XKR5: variants seen among roughly 807,000 people sequenced by gnomAD.
XKR5 encodes the protein XK related 5.
XKR5 carries 46 observed loss-of-function variants against 40.8 expected under a neutral mutation model. The ratio of observed to expected loss-of-function variants is 1.13; its 90% CI spans 0.89 to 1.44. XKR5 has a LOEUF of 1.44. Among genes scored for constraint, XKR5 ranks in the 40% most tolerant of loss-of-function variants. The pLI is 0.00. For missense variants in XKR5, 1,169 were observed against 844.7 expected (o/e 1.38, Z -4.76); for synonymous variants, 466 against 356.1 (o/e 1.31, Z -3.48).
intron 5 of XKR5, among the ~76,000 whole-genome samples, chr8:6,820,990 T>G (rs1364554101): frequency 1.3e-5 from 2 of 152,228 alleles, no homozygotes; most frequent in Admixed American, 1.3e-4. Flanking sequence ...TATTATTTTA[T>G]TTGGTCTTTA....
At chr8:6,821,188 T>C (rs937959077) in intron 5 of XKR5, among the ~76,000 whole-genome samples, 2 of 152,194 alleles carry the variant, frequency 1.3e-5, no homozygotes, top group African/African-American at 2.4e-5. Context: ...CTAAAACCCA[T>C]GCCCCACCAA....
rs114043230 is a variant in XKR5 at position 6,808,701 on chromosome 8, C to T, written c.*2497G>A. The stretch of plus-strand genomic sequence containing the variant: ...TGCCTTGATTTCTGCATACTCAGTG[C>T]CTGTCATACTCAACTAATATTCCTT... On this transcript the variant is annotated 3_prime_UTR_variant, in exon 7 of 7. Transcript: ENST00000618742. The T allele has an allele frequency of 3.3e-5, 5 of 152,262 alleles. No individual in the cohort carries two copies. In the East Asian group the frequency reaches 9.7e-4, roughly 29 times the overall value. 9.4% of individuals were successfully genotyped at this position (152,262 alleles called of 1,614,324 possible). A position where few individuals can be genotyped will look rare whatever the true frequency, so the allele number is the denominator to read the frequency against.
chr8:6,815,130 A>G (rs1362213971), intron 6 of XKR5, among the ~76,000 whole-genome samples: 3 of 152,320 alleles, frequency 2.0e-5, no homozygotes, highest in African/African-American at 7.2e-5. Flanking sequence ...TGAGAGTGAC[A>G]GTGGTGGAAG....
At chr8:6,833,301 C>G (rs1006706670) in intron 1 of XKR5, among the ~76,000 whole-genome samples, 1 of 152,244 alleles carries the variant, frequency 6.6e-6, no homozygotes, top group Non-Finnish European at 1.5e-5. Flanking sequence ...CTGGCCTCAA[C>G]TTCCCCTGGT....
chr8:6,827,543 T>C (rs530243782), intron 2 of XKR5, among the ~76,000 whole-genome samples: 26 of 152,352 alleles, frequency 1.7e-4, no homozygotes, highest in African/African-American at 6.3e-4. Flanking sequence ...ACTTTCCTTT[T>C]TCATGATTTG....
chr8:6,809,974 T>C lies in XKR5; in HGVS notation c.*1224A>G, dbSNP rs2004156. 0.21 allele frequency: 31,468 copies of C among 152,062 alleles called. 3,490 individuals are homozygous for C. The highest frequency in any genetic ancestry group is 0.31 in the East Asian group (1,612 of 5,152). The allele number at this position is 152,062 out of a possible 1,614,324, so 9.4% of individuals were successfully genotyped here. Reference sequence around the variant, plus strand: ...AAAAATACAAAAAAGTAGCCAGGCATGGTGCCCACCTGCCAGTAGTCCCAG... The same window carrying C: ...AAAAATACAAAAAAGTAGCCAGGCACGGTGCCCACCTGCCAGTAGTCCCAG... On this transcript the variant is annotated 3_prime_UTR_variant, in exon 7 of 7. Coordinates refer to ENST00000618742, the MANE Select transcript of XKR5 (RefSeq NM_207411.5).
Position 6,812,068 on chromosome 8 carries a change from G to A in XKR5, c.1191C>T (p.Asp397=). The A allele has an allele frequency of 1.9e-6, 3 of 1,540,446 alleles. No homozygotes were observed. The highest frequency in any genetic ancestry group is 2.6e-6 in the Non-Finnish European group (3 of 1,146,946). The change falls in exon 7 of 7, where the codon GAC becomes GAT. Residue 397 remains aspartate (D), a synonymous_variant. Coordinates refer to ENST00000618742, the MANE Select transcript of XKR5 (RefSeq NM_207411.5). The part of the protein sequence containing the change: ...AGLGTQVAVE[D]SFLSHHHWLW... ...GCCAGTGGTGATGACTGAGGAAAGA[G>A]TCCTCCACAGCAACCTGGGTCCCCA... is the stretch of plus-strand genomic sequence containing the variant.
At chr8:6,815,370 T>A (rs1436256758) in intron 6 of XKR5, among the ~76,000 whole-genome samples, 1 of 152,142 alleles carries the variant, frequency 6.6e-6, no homozygotes, top group East Asian at 1.9e-4. Flanking sequence ...ATTGGATCTT[T>A]CGGGGACTCA....
chr8:6,810,104 C>T lies in XKR5; in HGVS notation c.*1094G>A, dbSNP rs1224470881. On this transcript the variant is annotated 3_prime_UTR_variant, in exon 7 of 7. Transcript: ENST00000618742. ...CTCCAGCCTGGGTGACAGAGAGGCC[C>T]TGTCTCAACAAATAAACAAATGAAA... 6.6e-6 allele frequency: 1 copy of T among 152,308 alleles called. No individual in the cohort carries two copies. The highest frequency in any genetic ancestry group is 1.5e-5 in the Non-Finnish European group (1 of 68,152). The allele number at this position is 152,308 out of a possible 1,614,324, so 9.4% of individuals were successfully genotyped here. A position where few individuals can be genotyped will look rare whatever the true frequency, so the allele number is the denominator to read the frequency against.
At position 6,811,062 on chromosome 8, in the gene XKR5, G is replaced by C. The variant is rs1208212995; in HGVS notation, c.*136C>G. The C allele has an allele frequency of 1.1e-6, 1 of 904,816 alleles. No individual in the cohort carries two copies. Among genetic ancestry groups the C allele is most frequent in the Non-Finnish European group, 1.6e-6 (1 of 618,064 alleles). The allele number at this position is 904,816 out of a possible 1,614,324, so 56.0% of individuals were successfully genotyped here. ...TCCAGCCCTGTTTCTTCATTTTTCAGGGATGCAGATGGAGATTCAGAGGTG... is the reference window on the plus strand; with the variant it reads ...TCCAGCCCTGTTTCTTCATTTTTCACGGATGCAGATGGAGATTCAGAGGTG... On this transcript the variant is annotated 3_prime_UTR_variant, in exon 7 of 7. Transcript: ENST00000618742.
intron 6 of XKR5, among the ~76,000 whole-genome samples, chr8:6,813,685 T>A (rs1315680357): frequency 9.2e-5 from 14 of 152,216 alleles, no homozygotes; most frequent in Non-Finnish European, 2.9e-5. Context: ...TCTGAGCCGG[T>A]GGCCACCTGG....
At chr8:6,824,126 C>T (rs1417769413) in intron 3 of XKR5, among the ~76,000 whole-genome samples, 2 of 152,174 alleles carry the variant, frequency 1.3e-5, no homozygotes, top group African/African-American at 4.8e-5. Flanking sequence ...ATGTACTTTG[C>T]TGTTTTATCC....
At position 6,832,872 on chromosome 8, in the gene XKR5, G is replaced by C. The variant is rs767156899; in HGVS notation, c.87C>G (p.Thr29=). ...ARLYTVAYYF[T]TGRLLWGWLA... The stretch of plus-strand genomic sequence containing the variant: ...GCCACCCCCACAGAAGCCGTCCTGT[G>C]GTGAAGTAGTAAGCCACGGTGTAAA... Residue 29 remains threonine, a synonymous_variant, in exon 2 of 7, where the codon ACC becomes ACG. Transcript: ENST00000618742. 1 of 1,605,534 alleles carries C rather than the reference G, an allele frequency of 6.2e-7. No individual in the cohort carries two copies. Among genetic ancestry groups the C allele is most frequent in the Non-Finnish European group, 8.5e-7 (1 of 1,176,862 alleles).
At chr8:6,814,529 G>T (rs1803874579) in intron 6 of XKR5, among the ~76,000 whole-genome samples, 1 of 152,180 alleles carries the variant, frequency 6.6e-6, no homozygotes, top group African/African-American at 2.4e-5. Flanking sequence ...TGATGGAAGG[G>T]TTCTCCCTGC....
rs1379620957 is a variant in XKR5, at chr8:6,811,196, G to T, written c.*2C>A. On this transcript the variant is annotated 3_prime_UTR_variant, in exon 7 of 7. Transcript: ENST00000618742. ...TGTTGTCTTATCCCACCATGACTGT[G>T]GTCAGATGAAAAAACTCGGCTCTTG... is the stretch of plus-strand genomic sequence containing the variant. 1.3e-6 allele frequency: 2 copies of T among 1,533,608 alleles called. No individual in the cohort carries two copies. The highest frequency in any genetic ancestry group is 1.7e-6 in the Non-Finnish European group (2 of 1,144,318).
chr8:6,833,529 A>G (rs1194531727), intron 1 of XKR5, among the ~76,000 whole-genome samples: 2 of 152,248 alleles, frequency 1.3e-5, no homozygotes, highest in Non-Finnish European at 2.9e-5. Flanking sequence ...TCAGGAGTTC[A>G]AGACCAGTCT....
intron 1 of XKR5, among the ~76,000 whole-genome samples, chr8:6,834,838 C>A (rs1804938961): frequency 6.6e-6 from 1 of 152,188 alleles, no homozygotes; most frequent in Non-Finnish European, 1.5e-5. Flanking sequence ...CTGGGTTCCC[C>A]CTGCGACGGA....
At position 6,811,145 on chromosome 8, in the gene XKR5, C is replaced by G; in HGVS notation, c.*53G>C. 1 of 1,481,640 alleles carries G rather than the reference C, an allele frequency of 6.7e-7. No homozygotes were observed. The highest frequency in any genetic ancestry group is 9.0e-7 in the Non-Finnish European group (1 of 1,115,156). The allele number at this position is 1,481,640 out of a possible 1,614,324, so 91.8% of individuals were successfully genotyped here. ...AGTGGGATTTCCTTTCTCACGGTAC[C>G]AAATGGCCAGCTTGGTTTGTCAGCC... On this transcript the variant is annotated 3_prime_UTR_variant, in exon 7 of 7. Transcript: ENST00000618742.
rs1481735686 is a variant in XKR5, at chr8:6,832,899, G to A, written c.60C>T (p.Arg20=). The A allele has an allele frequency of 1.3e-6, 2 of 1,567,432 alleles. No individual in the cohort carries two copies. The highest frequency in any genetic ancestry group is 1.7e-6 in the Non-Finnish European group (2 of 1,159,652). The change falls in exon 2 of 7, where the codon CGC becomes CGT. Residue 20 remains arginine (R), a splice_region_variant and synonymous_variant. Transcript: ENST00000618742. ...TGAAGTAGTAAGCCACGGTGTAAAG[G>A]CCTGGGTGAGAAGGGGAAAGGCAAG... ...ALLQAAEQSA[R]LYTVAYYFTT...
Sources: allele counts gnomAD v4.1 joint callset (sites outside exome capture counted in the v4.1 genomes callset), GRCh38; gene constraint gnomAD v4.1.1; transcripts MANE v1.5; gene names NCBI Gene and HGNC (gene_info 2026-07-23, HGNC 2026-07-21).